The following INTS6L variants were observed in gnomAD, a reference collection of about 807,000 sequenced individuals.
INTS6L encodes the protein integrator complex subunit 6-like.
A neutral mutation model predicts 64.7 loss-of-function variants in INTS6L; 18 were observed. The ratio of observed to expected loss-of-function variants is 0.28; its 90% CI spans 0.19 to 0.41. INTS6L has a LOEUF of 0.41. Ranked by LOEUF, INTS6L falls within the 10% of genes least tolerant of loss-of-function variation. The probability of loss-of-function intolerance (pLI) is 1.00; values close to 1 mark genes in which losing one functional copy is unlikely to be tolerated. For synonymous variants in INTS6L, 227 were observed against 235.9 expected (o/e 0.96, Z 0.34); for missense variants, 533 against 661.0 (o/e 0.81, Z 2.12).
chrX:135,537,454 C>T (rs1362366002), intron 2 of INTS6L, among the ~76,000 whole-genome samples: 1 of 111,745 alleles, frequency 8.9e-6, no homozygotes, highest in African/African-American at 3.3e-5. Flanking sequence ...ATTAAAGGAA[C>T]GTATAGAATT....
In INTS6L at chrX:135,581,036, T is replaced by C; in HGVS notation, c.2495-14T>C. On this transcript the variant is annotated splice_polypyrimidine_tract_variant and intron_variant, in intron 16 of 17. Transcript: ENST00000639893. ...TCTTTATAAAAATACTGAAGTTTTT[T>C]TAAATATCTTCAGAATATGAAAGAA... 6 of 1,102,973 alleles carry C rather than the reference T, an allele frequency of 5.4e-6. No homozygotes were observed. Among genetic ancestry groups the C allele is most frequent in the Middle Eastern group, 2.7e-4 (1 of 3,684 alleles). The allele number at this position is 1,102,973 out of a possible 1,213,427, so 90.9% of individuals were successfully genotyped here. A position where few individuals can be genotyped will look rare whatever the true frequency, so the allele number is the denominator to read the frequency against.
At chrX:135,539,217 T>C (rs2086130976) in intron 2 of INTS6L, among the ~76,000 whole-genome samples, 1 of 112,695 alleles carries the variant, frequency 8.9e-6, no homozygotes, top group South Asian at 3.6e-4. Context: ...ATCTGTTGTT[T>C]AGTGTAGCCA....
intron 14 of INTS6L, 130 bp downstream of exon 14, chrX:135,575,356 G>GA: frequency 7.3e-6 from 6 of 820,738 alleles, no homozygotes; most frequent in Non-Finnish European, 1.0e-5. Context: ...ATGACACTAA[G>GA]GCTCTTAGTG....
chrX:135,548,171 A>G (rs1556515832), intron 6 of INTS6L, among the ~76,000 whole-genome samples: 1 of 110,963 alleles, frequency 9.0e-6, no homozygotes, highest in African/African-American at 3.3e-5. Flanking sequence ...TAAGGGCAGA[A>G]AGCTACACAT....
At chrX:135,573,173 A>G in intron 12 of INTS6L, 140 bp downstream of exon 12, 1 of 512,250 alleles carries the variant, frequency 2.0e-6, no homozygotes, top group Non-Finnish European at 3.2e-6. Context: ...AGGAATTGTC[A>G]GCAGATATCA....
intron 7 of INTS6L, among the ~76,000 whole-genome samples, chrX:135,551,284 G>C (rs187520675): frequency 1.8e-5 from 2 of 111,330 alleles, no homozygotes. Context: ...TTCTCTCTCT[G>C]GTGCTCTCCA....
intron 14 of INTS6L, 121 bp downstream of exon 14, chrX:135,575,347 T>C: frequency 1.1e-6 from 1 of 915,092 alleles, no homozygotes; most frequent in Admixed American, 3.3e-5. Context: ...CAATAAAATA[T>C]GACACTAAGG....
At chrX:135,576,124 T>C (rs1490504438) in intron 14 of INTS6L, among the ~76,000 whole-genome samples, 7 of 110,864 alleles carry the variant, frequency 6.3e-5, no homozygotes, top group Non-Finnish European at 1.3e-4. Context: ...GTTGGGAGTT[T>C]GAGACCAGCC....
intron 11 of INTS6L, 36 bp from the exon 12 acceptor site, chrX:135,572,779 G>T (rs1174795968): frequency 9.0e-7 from 1 of 1,113,677 alleles, no homozygotes; most frequent in Middle Eastern, 2.5e-4. Flanking sequence ...TGGTAATGTA[G>T]ATGTTTTTAT....
intron 7 of INTS6L, among the ~76,000 whole-genome samples, chrX:135,551,343 T>C (rs1169733300): frequency 6.3e-5 from 7 of 111,807 alleles, no homozygotes; most frequent in Non-Finnish European, 1.3e-4. Flanking sequence ...ATTAATCTGC[T>C]CCAGCACCCC....
At chrX:135,540,205 A>G (rs1267512490) in intron 2 of INTS6L, among the ~76,000 whole-genome samples, 1 of 111,823 alleles carries the variant, frequency 8.9e-6, no homozygotes, top group Non-Finnish European at 1.9e-5. Context: ...AAGTTAGGCT[A>G]TCTGGATTCA....
chrX:135,581,398 A>C, intron 17 of INTS6L, 130 bp from the exon 18 acceptor site: 1 of 541,442 alleles, frequency 1.8e-6, no homozygotes, highest in Non-Finnish European at 3.0e-6. Context: ...TCTAAGACAT[A>C]TCTTTCCATG....
intron 14 of INTS6L, among the ~76,000 whole-genome samples, chrX:135,575,934 T>C (rs1184902137): frequency 1.8e-5 from 2 of 111,825 alleles, no homozygotes; most frequent in African/African-American, 6.5e-5. Context: ...TAATCTCTTT[T>C]GTGACAAGAC....
intron 14 of INTS6L, among the ~76,000 whole-genome samples, 180 bp from the exon 15 acceptor site, chrX:135,577,013 G>A (rs1300117465): frequency 1.8e-5 from 2 of 110,259 alleles, no homozygotes; most frequent in East Asian, 2.8e-4. Flanking sequence ...ATAAATCTTC[G>A]GCCCATGATT....
At chrX:135,533,944 C>A (rs928155522) in intron 2 of INTS6L, among the ~76,000 whole-genome samples, 1 of 110,943 alleles carries the variant, frequency 9.0e-6, no homozygotes, top group Admixed American at 9.6e-5. Flanking sequence ...TTAAGTATGA[C>A]CAAGTTTAGT....
rs189292128 is a variant in INTS6L at position 135,573,223 on chromosome X, G to A, written c.1617+190G>A. On this transcript the variant is annotated intron_variant, in intron 12 of 17. Transcript: ENST00000639893. ...GGACAAGATATGTTTTGTGGGTAAC[G>A]CCCATGAAAGATAAAGGGGAGATGA... 4.1e-4 allele frequency among the ~76,000 whole-genome samples: 46 copies of A among 112,489 alleles called. 2 individuals carry two copies. In the East Asian group the frequency reaches 5.0e-3, roughly 12 times the overall value.
At chrX:135,553,504 T>C (rs1337725486) in intron 8 of INTS6L, among the ~76,000 whole-genome samples, 2 of 103,542 alleles carry the variant, frequency 1.9e-5, no homozygotes, top group African/African-American at 3.5e-5. Context: ...TTTTTTTTTT[T>C]AGAGAGACGG....
At chrX:135,560,747 G>A (rs1203141990) in intron 9 of INTS6L, among the ~76,000 whole-genome samples, 1 of 108,813 alleles carries the variant, frequency 9.2e-6, no homozygotes, top group African/African-American at 3.3e-5. Context: ...GGGAGGCTGA[G>A]GCGGGAGAAT....
In INTS6L at chrX:135,561,515, T is replaced by C. The variant is rs983074111; in HGVS notation, c.1192+5215T>C. On this transcript the variant is annotated intron_variant, in intron 9 of 17. Transcript: ENST00000639893. ...TCTTTTTTGTTGTTGTCTTTGGTTT[T>C]AGTATCAAGGTAATACAAGCTCTTC... Among the ~76,000 whole-genome samples the C allele has an allele frequency of 6.2e-5, 7 of 112,045 alleles. No homozygotes were observed. In the Admixed American group the frequency reaches 6.6e-4, roughly 11 times the overall value.
Sources: gnomAD v4.1 joint callset for allele counts (sites outside exome capture counted in the v4.1 genomes callset) on GRCh38, gnomAD v4.1.1 for gene constraint, MANE v1.5 for transcripts, NCBI Gene and HGNC (gene_info 2026-07-23, HGNC 2026-07-21) for gene names.